The following DACH1 variants were observed in gnomAD, a reference collection of about 807,000 sequenced individuals.
The protein encoded by DACH1 is dachshund family transcription factor 1.
DACH1 carries 12 observed loss-of-function variants against 54.2 expected under a neutral mutation model. The observed-to-expected ratio is 0.22, with a 90% CI of 0.14 to 0.36. The LOEUF is 0.36. DACH1 is among the 10% of genes least tolerant of loss of function. The pLI is 1.00. For synonymous variants in DACH1, 386 were observed against 366.2 expected, an observed-to-expected ratio of 1.05 and a Z score of -0.62; for missense variants, 805 against 929.8, an observed-to-expected ratio of 0.87 and a Z score of 1.75.
intron 1 of DACH1, among the ~76,000 whole-genome samples, chr13:71,721,932 T>C (rs1199851247): frequency 2.6e-5 from 4 of 152,120 alleles, no homozygotes. Flanking sequence ...TTTTGAATAG[T>C]GTATCTATTA....
chr13:71,483,457 TAACA>T (rs975429383), intron 7 of DACH1, among the ~76,000 whole-genome samples: 30 of 146,624 alleles, frequency 2.0e-4, no homozygotes, highest in African/African-American at 7.4e-4. Context: ...ATATAATAAA[TAACA>T]AATAATACCT....
At chr13:71,559,186 A>G (rs1277538463) in intron 5 of DACH1, among the ~76,000 whole-genome samples, 1 of 152,150 alleles carries the variant, frequency 6.6e-6, no homozygotes, top group Non-Finnish European at 1.5e-5. Flanking sequence ...CCAAGATTAA[A>G]TATTGTGAAA....
At chr13:71,504,975 C>T (rs552752367) in intron 6 of DACH1, among the ~76,000 whole-genome samples, 2 of 152,290 alleles carry the variant, frequency 1.3e-5, no homozygotes, top group African/African-American at 4.8e-5. Context: ...ACAATGAAAT[C>T]AATTAATCTC....
intron 1 of DACH1, among the ~76,000 whole-genome samples, chr13:71,843,721 A>G (rs111961495): frequency 4.1e-4 from 63 of 152,308 alleles, no homozygotes; most frequent in African/African-American, 1.4e-3. Context: ...AGGGAGGCTG[A>G]AAGTTCCCTT....
At chr13:71,837,633 T>C (rs1426045243) in intron 1 of DACH1, among the ~76,000 whole-genome samples, 6 of 151,866 alleles carry the variant, frequency 4.0e-5, no homozygotes, top group African/African-American at 1.5e-4. Context: ...AACAGATAGG[T>C]GAGTATGAAA....
At chr13:71,816,016 C>T (rs934839332) in intron 1 of DACH1, among the ~76,000 whole-genome samples, 7 of 151,714 alleles carry the variant, frequency 4.6e-5, no homozygotes, top group South Asian at 2.1e-4. Context: ...ACCCGGGAGG[C>T]GGAGCTTGCA....
At position 71,735,362 on chromosome 13, in the gene DACH1, C is replaced by T. The variant is rs1465357864; in HGVS notation, c.849-53452G>A. 1.5e-4 allele frequency among the ~76,000 whole-genome samples: 5 copies of T among 33,888 alleles called. 1 individual carries two copies. Among genetic ancestry groups the T allele is most frequent in the Non-Finnish European group, 3.3e-4 (3 of 9,200 alleles). 22.2% of individuals were successfully genotyped at this position (33,888 alleles called of 152,430 possible). On this transcript the variant is annotated intron_variant, in intron 1 of 10. Coordinates refer to ENST00000613252, the MANE Select transcript of DACH1 (RefSeq NM_080759.6). ...GATATACGTGTATATGGGATATACA[C>T]GTATACGGGATATACGTGTATATGG...
chr13:71,527,372 G>T (rs1030915721), intron 6 of DACH1, among the ~76,000 whole-genome samples: 1 of 152,126 alleles, frequency 6.6e-6, no homozygotes. Flanking sequence ...ATTGCCAAAT[G>T]TAAGTCATTT....
At chr13:71,617,000 G>GCCT (rs1875830382) in intron 3 of DACH1, among the ~76,000 whole-genome samples, 1 of 151,298 alleles carries the variant, frequency 6.6e-6, no homozygotes, top group Non-Finnish European at 1.5e-5. Context: ...TCCTGCCTCA[G>GCCT]CCTCCCGAGT....
intron 1 of DACH1, among the ~76,000 whole-genome samples, chr13:71,858,100 A>G (rs760404185): frequency 1.3e-5 from 2 of 151,716 alleles, no homozygotes; most frequent in Non-Finnish European, 3.0e-5. Flanking sequence ...TTACTGAAGA[A>G]ATGACCAGTA....
At chr13:71,521,062 A>G (rs1427579052) in intron 6 of DACH1, among the ~76,000 whole-genome samples, 1 of 151,996 alleles carries the variant, frequency 6.6e-6, no homozygotes, top group Non-Finnish European at 1.5e-5. Flanking sequence ...TGGGCTCTGG[A>G]GCCAAACTGC....
chr13:71,486,778 C>T (rs141497564), intron 7 of DACH1, among the ~76,000 whole-genome samples: 184 of 151,704 alleles, frequency 1.2e-3, no homozygotes, highest in African/African-American at 4.1e-3. Flanking sequence ...AAGATTGAAG[C>T]GGACAAGCTA....
intron 3 of DACH1, among the ~76,000 whole-genome samples, chr13:71,615,870 T>C (rs79716375): frequency 6.6e-6 from 1 of 152,286 alleles, no homozygotes; most frequent in East Asian, 1.9e-4. Context: ...TTTACTTCTA[T>C]TACCTACTTA....
At chr13:71,604,549 C>T (rs1054125043) in intron 3 of DACH1, among the ~76,000 whole-genome samples, 6 of 151,842 alleles carry the variant, frequency 4.0e-5, no homozygotes, top group African/African-American at 7.2e-5. Flanking sequence ...GTAGAAATTA[C>T]GGCTTTATAA....
intron 7 of DACH1, among the ~76,000 whole-genome samples, chr13:71,481,427 A>G (rs1378124309): frequency 6.6e-6 from 1 of 152,192 alleles, no homozygotes; most frequent in Admixed American, 6.6e-5. Flanking sequence ...GTAATTTTAT[A>G]TTAATATTCG....
chr13:71,612,253 G>A (rs1593984392), intron 3 of DACH1, among the ~76,000 whole-genome samples: 1 of 152,060 alleles, frequency 6.6e-6, no homozygotes, highest in South Asian at 2.1e-4. Flanking sequence ...ATAATATGGA[G>A]GTTAATTTGA....
At chr13:71,449,334 A>G (rs1340687516) in intron 10 of DACH1, among the ~76,000 whole-genome samples, 2 of 152,192 alleles carry the variant, frequency 1.3e-5, no homozygotes, top group African/African-American at 2.4e-5. Context: ...AAAAAAGAAA[A>G]AAAAAGAAAG....
intron 1 of DACH1, among the ~76,000 whole-genome samples, chr13:71,735,203 T>A: frequency 6.6e-6 from 1 of 150,504 alleles, no homozygotes; most frequent in Non-Finnish European, 1.5e-5. Context: ...GTATATGGGA[T>A]ACACGTATAT....
chr13:71,549,489 G>T (rs1260223416), intron 6 of DACH1, among the ~76,000 whole-genome samples: 3 of 152,000 alleles, frequency 2.0e-5, no homozygotes, highest in Admixed American at 6.6e-5. Context: ...TTATAAGACT[G>T]CTCTTGTCTC....
Sources: allele counts gnomAD v4.1 joint callset (sites outside exome capture counted in the v4.1 genomes callset), GRCh38; gene constraint gnomAD v4.1.1; transcripts MANE v1.5; gene names NCBI Gene and HGNC (gene_info 2026-07-23, HGNC 2026-07-21).